The following CDH12 variants were observed in gnomAD, a reference collection of about 807,000 sequenced individuals.
CDH12 encodes cadherin 12.
CDH12 carries 41 observed loss-of-function variants against 74.1 expected under a neutral mutation model. The observed-to-expected ratio is 0.55, with a 90% CI of 0.43 to 0.72. CDH12 has a LOEUF of 0.72. CDH12 is among the 30% of genes least tolerant of loss of function. CDH12 has a pLI of 0.00. For synonymous variants in CDH12, 399 were observed against 355.0 expected (o/e 1.12, Z -1.39); for missense variants, 945 against 977.2 (o/e 0.97, Z 0.44).
intron 4 of CDH12, among the ~76,000 whole-genome samples, chr5:22,153,710 A>G (rs13156070): frequency 0.4 from 56,388 of 142,582 alleles, 12,081 homozygotes; most frequent in East Asian, 0.69. Flanking sequence ...CATAGTGAAC[A>G]TTCAATATAT....
rs10053564 is a variant in CDH12, at chr5:22,135,600, C to A, written c.-186-56738G>T. Reference sequence around the variant, plus strand: ...ATTTAGAAATAAATAATTCGCAAATCAGGGCATATATTCAGACCGAGTGGT... The same window carrying A: ...ATTTAGAAATAAATAATTCGCAAATAAGGGCATATATTCAGACCGAGTGGT... On this transcript the variant is annotated intron_variant, in intron 4 of 14. Transcript: ENST00000382254. 7.8e-3 allele frequency among the ~76,000 whole-genome samples: 1,192 copies of A among 152,062 alleles called. 14 individuals are homozygous for A. Among genetic ancestry groups the A allele is most frequent in the African/African-American group, 0.027 (1,140 of 41,484 alleles).
intron 3 of CDH12, among the ~76,000 whole-genome samples, chr5:22,219,042 C>T (rs1751921559): frequency 6.6e-6 from 1 of 151,578 alleles, no homozygotes; most frequent in Non-Finnish European, 1.5e-5. Context: ...AAATAAGGTG[C>T]CATTTCAAAT....
chr5:22,605,111 T>C (rs1737034705), intron 1 of CDH12, among the ~76,000 whole-genome samples: 1 of 152,200 alleles, frequency 6.6e-6, no homozygotes, highest in African/African-American at 2.4e-5. Context: ...ATGGGCTTCA[T>C]TCAGTCAGTT....
chr5:21,819,260 TC>T (rs1285251259), intron 8 of CDH12, among the ~76,000 whole-genome samples: 1 of 152,014 alleles, frequency 6.6e-6, no homozygotes, highest in Non-Finnish European at 1.5e-5. Flanking sequence ...AGTGAGGCAC[TC>T]CTGAGATATT....
chr5:21,816,032 T>C (rs1748020484), intron 9 of CDH12, among the ~76,000 whole-genome samples: 1 of 152,126 alleles, frequency 6.6e-6, no homozygotes, highest in Admixed American at 6.6e-5. Context: ...TAGAAGTAAA[T>C]ACTCAGCATC....
chr5:22,184,969 A>G (rs1749850716), intron 4 of CDH12, among the ~76,000 whole-genome samples: 1 of 152,078 alleles, frequency 6.6e-6, no homozygotes, highest in Non-Finnish European at 1.5e-5. Context: ...AACCTAGTAC[A>G]CATTAGTTAA....
chr5:22,395,565 A>G (rs1742419462), intron 3 of CDH12, among the ~76,000 whole-genome samples: 1 of 152,114 alleles, frequency 6.6e-6, no homozygotes, highest in Non-Finnish European at 1.5e-5. Context: ...ACAACTGAGA[A>G]GATTTTTACA....
chr5:22,175,884 C>G (rs1206491832), intron 4 of CDH12, among the ~76,000 whole-genome samples: 1 of 152,142 alleles, frequency 6.6e-6, no homozygotes, highest in Non-Finnish European at 1.5e-5. Context: ...CTCCTTTTAA[C>G]TCGGCCACTT....
Position 22,653,397 on chromosome 5 carries a change from T to A in CDH12, c.-522-148033A>T, listed in dbSNP as rs151319358. Among the ~76,000 whole-genome samples the A allele has an allele frequency of 9.9e-5, 15 of 152,068 alleles. 1 individual carries two copies. In the East Asian group the frequency reaches 1.4e-3, roughly 14 times the overall value. ...ATTACACTGCTCTTCCAAACAGCCCTGCTCTTCCTAAGGCCCACGACGGAG... is the reference window on the plus strand; with the variant it reads ...ATTACACTGCTCTTCCAAACAGCCCAGCTCTTCCTAAGGCCCACGACGGAG... On this transcript the variant is annotated intron_variant, in intron 1 of 14. Coordinates refer to ENST00000382254, the MANE Select transcript of CDH12 (RefSeq NM_004061.5).
chr5:22,201,542 G>C (rs935963540), intron 4 of CDH12, among the ~76,000 whole-genome samples: 1 of 152,098 alleles, frequency 6.6e-6, no homozygotes, highest in South Asian at 2.1e-4. Context: ...AAAAGTGTGA[G>C]GGAGGATAAA....
intron 1 of CDH12, among the ~76,000 whole-genome samples, chr5:22,758,609 T>C (rs1048358264): frequency 2.0e-5 from 3 of 152,106 alleles, no homozygotes; most frequent in Non-Finnish European, 4.4e-5. Flanking sequence ...ACAATTCTCT[T>C]ATAAGGCAGT....
At chr5:22,683,589 T>C (rs1485594475) in intron 1 of CDH12, among the ~76,000 whole-genome samples, 1 of 152,162 alleles carries the variant, frequency 6.6e-6, no homozygotes, top group Non-Finnish European at 1.5e-5. Flanking sequence ...TTTTTCTGCA[T>C]TGAAAAAGCA....
intron 3 of CDH12, among the ~76,000 whole-genome samples, chr5:22,310,477 G>A (rs1738341093): frequency 7.7e-6 from 1 of 129,830 alleles, no homozygotes. Context: ...AAAAAAAAAT[G>A]GCAATGGCAA....
intron 14 of CDH12, among the ~76,000 whole-genome samples, chr5:21,753,779 G>A (rs570944190): frequency 6.6e-6 from 1 of 152,314 alleles, no homozygotes; most frequent in Non-Finnish European, 1.5e-5. Context: ...TAAATGAGTG[G>A]CAGATGGTAG....
At chr5:22,085,759 G>C (rs1743021435) in intron 4 of CDH12, among the ~76,000 whole-genome samples, 1 of 151,908 alleles carries the variant, frequency 6.6e-6, no homozygotes, top group Non-Finnish European at 1.5e-5. Context: ...TCAACAATAT[G>C]CTTTATATTT....
chr5:22,298,252 G>T (rs918901697), intron 3 of CDH12, among the ~76,000 whole-genome samples: 10 of 151,354 alleles, frequency 6.6e-5, no homozygotes, highest in Non-Finnish European at 1.5e-4. Flanking sequence ...TCATGTGTAT[G>T]TGTGTATATA....
chr5:22,124,113 C>T (rs1049269311), intron 4 of CDH12, among the ~76,000 whole-genome samples: 39 of 151,282 alleles, frequency 2.6e-4, no homozygotes, highest in African/African-American at 6.3e-4. Context: ...GATTACAGCG[C>T]GCGCCAACAC....
intron 2 of CDH12, among the ~76,000 whole-genome samples, chr5:22,483,748 C>CTATATATA (rs573933210): frequency 0.043 from 984 of 22,784 alleles, 286 homozygotes; most frequent in Non-Finnish European, 0.07. Context: ...TCTTTCAAAA[C>CTATATATA]TATATATATA....
At chr5:22,711,345 G>T (rs560314385) in intron 1 of CDH12, among the ~76,000 whole-genome samples, 12 of 152,056 alleles carry the variant, frequency 7.9e-5, no homozygotes, top group Non-Finnish European at 1.8e-4. Context: ...GAGTTAATAT[G>T]AAGTCACAGG....
Sources: allele counts gnomAD v4.1 joint callset (sites outside exome capture counted in the v4.1 genomes callset), GRCh38; gene constraint gnomAD v4.1.1; transcripts MANE v1.5; gene names NCBI Gene and HGNC (gene_info 2026-07-23, HGNC 2026-07-21).